The following VEPH1 variants were observed in gnomAD, a reference collection of about 807,000 sequenced individuals.
VEPH1 encodes the protein ventricular zone expressed PH domain containing 1.
Under a neutral mutation model 85.2 loss-of-function variants are expected in VEPH1, and 80 were observed. The observed-to-expected ratio is 0.94, with a 90% CI of 0.78 to 1.13. The LOEUF (loss-of-function observed/expected upper bound fraction) is 1.13, where lower values mean the gene tolerates loss of function less well. Among genes scored for constraint, VEPH1 ranks in the 50% most tolerant of loss-of-function variants. VEPH1 has a pLI of 0.00. For missense variants in VEPH1, 955 were observed against 980.5 expected (o/e 0.97, Z 0.35); for synonymous variants, 297 against 348.0 (o/e 0.85, Z 1.63).
intron 1 of VEPH1, among the ~76,000 whole-genome samples, chr3:157,496,017 T>C (rs1254404724): frequency 6.6e-6 from 1 of 152,194 alleles, no homozygotes; most frequent in African/African-American, 2.4e-5. Flanking sequence ...CCCTGCTCTG[T>C]CAGTCAAAAA....
intron 2 of VEPH1, among the ~76,000 whole-genome samples, chr3:157,479,698 G>A (rs1471152026): frequency 1.3e-5 from 2 of 152,176 alleles, no homozygotes. Flanking sequence ...CCCATGCTAA[G>A]GGCTCGGCTC....
At chr3:157,373,953 T>G (rs1012873720) in intron 7 of VEPH1, among the ~76,000 whole-genome samples, 3 of 152,180 alleles carry the variant, frequency 2.0e-5, no homozygotes, top group Non-Finnish European at 4.4e-5. Context: ...GCCTGCTTCA[T>G]TGTCTCCAAA....
chr3:157,440,589 C>T (rs998577720), intron 4 of VEPH1, among the ~76,000 whole-genome samples: 13 of 152,020 alleles, frequency 8.6e-5, no homozygotes, highest in African/African-American at 3.1e-4. Context: ...TACACATACA[C>T]ACATATATAT....
chr3:157,322,838 C>T (rs1480327664), intron 9 of VEPH1, among the ~76,000 whole-genome samples: 1 of 152,014 alleles, frequency 6.6e-6, no homozygotes, highest in African/African-American at 2.4e-5. Context: ...ATAAATAATA[C>T]TGTCATTTAA....
chr3:157,473,265 G>A (rs1737146070), intron 2 of VEPH1, among the ~76,000 whole-genome samples: 1 of 151,390 alleles, frequency 6.6e-6, no homozygotes, highest in African/African-American at 2.4e-5. Flanking sequence ...GTAGAGACAG[G>A]GTTTCACCAT....
intron 6 of VEPH1, among the ~76,000 whole-genome samples, chr3:157,397,536 T>G (rs1384804328): frequency 3.3e-5 from 5 of 152,234 alleles, no homozygotes; most frequent in African/African-American, 1.2e-4. Flanking sequence ...ACGATATTGA[T>G]TCTTCCTATC....
At chr3:157,481,432 A>AC (rs1186567436) in intron 2 of VEPH1, among the ~76,000 whole-genome samples, 2 of 91,010 alleles carry the variant, frequency 2.2e-5, no homozygotes, top group African/African-American at 1.1e-4. Context: ...ATATGGAACC[A>AC]AACACACACA....
At chr3:157,275,316 C>T (rs1715238069) in intron 12 of VEPH1, among the ~76,000 whole-genome samples, 1 of 152,154 alleles carries the variant, frequency 6.6e-6, no homozygotes, top group Non-Finnish European at 1.5e-5. Flanking sequence ...TGGCTCACCC[C>T]TGTAATCGCA....
At chr3:157,306,860 C>T (rs539466363) in intron 11 of VEPH1, among the ~76,000 whole-genome samples, 2 of 151,966 alleles carry the variant, frequency 1.3e-5, no homozygotes, top group Admixed American at 6.5e-5. Flanking sequence ...TTTTAGCTTC[C>T]AAGTCTCCAA....
intron 4 of VEPH1, chr3:157,436,647 C>T: frequency 3.7e-6 from 1 of 272,888 alleles, no homozygotes; most frequent in South Asian, 5.5e-5. Flanking sequence ...CCCCTCTGAC[C>T]CTCCTCCAAT....
At chr3:157,394,575 T>C (rs867949401) in intron 6 of VEPH1, among the ~76,000 whole-genome samples, 14 of 152,288 alleles carry the variant, frequency 9.2e-5, no homozygotes, top group Middle Eastern at 3.4e-3. Context: ...TCATGAAGCA[T>C]AGTTCTGCAA....
chr3:157,493,394 A>T (rs1045756095), intron 2 of VEPH1: 15 of 403,626 alleles, frequency 3.7e-5, no homozygotes, highest in Middle Eastern at 3.6e-4. Flanking sequence ...GAAGGATGGG[A>T]CGCAGCTAAC....
At chr3:157,448,381 G>A (rs1201640400) in intron 4 of VEPH1, among the ~76,000 whole-genome samples, 1 of 152,192 alleles carries the variant, frequency 6.6e-6, no homozygotes, top group Non-Finnish European at 1.5e-5. Flanking sequence ...TATTGATGGT[G>A]AGGCATATTT....
At chr3:157,275,617 G>T (rs1253165585) in intron 12 of VEPH1, among the ~76,000 whole-genome samples, 8 of 151,820 alleles carry the variant, frequency 5.3e-5, no homozygotes, top group African/African-American at 1.7e-4. Context: ...TGATTGACAT[G>T]TATAGATATA....
chr3:157,411,824 C>T (rs1272947170), intron 6 of VEPH1, among the ~76,000 whole-genome samples: 1 of 152,112 alleles, frequency 6.6e-6, no homozygotes, highest in Non-Finnish European at 1.5e-5. Flanking sequence ...CTCCTGGTAC[C>T]CACTGAGAGT....
intron 6 of VEPH1, 175 bp downstream of exon 6, chr3:157,413,706 T>G (rs9837655): frequency 0.47 from 452,912 of 964,128 alleles, 108,777 homozygotes; most frequent in Admixed American, 0.58. Context: ...CCAGGACAAA[T>G]TTGTATGTCA....
chr3:157,442,407 A>G (rs762560584), intron 4 of VEPH1: 37 of 1,613,494 alleles, frequency 2.3e-5, no homozygotes, highest in Non-Finnish European at 3.1e-5. Context: ...TTCCAAGAAG[A>G]TTTTTGGAAG....
chr3:157,423,723 C>A (rs868459402), intron 5 of VEPH1, among the ~76,000 whole-genome samples: 3 of 152,198 alleles, frequency 2.0e-5, no homozygotes, highest in Non-Finnish European at 4.4e-5. Context: ...CAGTTTGGTT[C>A]TATGAATGTT....
Position 157,429,598 on chromosome 3 carries a change from T to C in VEPH1, c.530-1110A>G, listed in dbSNP as rs536065927. 1.1e-4 allele frequency among the ~76,000 whole-genome samples: 17 copies of C among 152,370 alleles called. No individual in the cohort carries two copies. The South Asian group carries it at 1.2e-3, about 11-fold the overall frequency. On this transcript the variant is annotated intron_variant, in intron 4 of 13. Transcript: ENST00000362010. ...TAAGTCTAAAACAGGTTTTATCATG[T>C]TCCCCAGAATACAAGTTGTTGGAAA...
Sources: allele counts gnomAD v4.1 joint callset (sites outside exome capture counted in the v4.1 genomes callset), GRCh38; gene constraint gnomAD v4.1.1; transcripts MANE v1.5; gene names NCBI Gene and HGNC (gene_info 2026-07-23, HGNC 2026-07-21).